Variants in FAM47E observed in about 807,000 individuals in gnomAD.
The protein encoded by FAM47E is protein FAM47E.
Under a neutral mutation model 41.6 loss-of-function variants are expected in FAM47E, and 32 were observed. The observed-to-expected ratio is 0.77, with a 90% CI of 0.58 to 1.03. FAM47E has a LOEUF of 1.03. Among genes scored for constraint, FAM47E ranks in the 50% least tolerant of loss-of-function variants. The pLI, the probability that FAM47E is intolerant of heterozygous loss-of-function variation, is 0.00. For synonymous variants in FAM47E, 184 were observed against 188.7 expected, an observed-to-expected ratio of 0.98 and a Z score of 0.20; for missense variants, 424 against 485.4, an observed-to-expected ratio of 0.87 and a Z score of 1.19.
exon 1 of FAM47E, chr4:76,214,123 A>G: frequency 4.8e-6 from 2 of 417,396 alleles, no homozygotes; most frequent in East Asian, 7.2e-5. Context: ...TTCCGCAGAT[A>G]GGTCTGAGGG....
chr4:76,218,073 A>C (rs1399529393), intron 2 of FAM47E, among the ~76,000 whole-genome samples: 1 of 152,244 alleles, frequency 6.6e-6, no homozygotes, highest in Non-Finnish European at 1.5e-5. Context: ...CATGCCTGTA[A>C]TCCCAGCATT....
intron 2 of FAM47E, among the ~76,000 whole-genome samples, chr4:76,236,044 G>T (rs576057541): frequency 3.3e-5 from 5 of 152,308 alleles, no homozygotes; most frequent in East Asian, 3.9e-4. Context: ...TGTGGCACCA[G>T]AGCAAAGTAT....
chr4:76,283,562 G>A lies in FAM47E; in HGVS notation c.*104G>A. 1.5e-6 allele frequency: 1 copy of A among 689,344 alleles called. No individual in the cohort carries two copies. Among genetic ancestry groups the A allele is most frequent in the Non-Finnish European group, 2.5e-6 (1 of 400,616 alleles). The allele number at this position is 689,344 out of a possible 1,614,324, so 42.7% of individuals were successfully genotyped here. ...CAGAGTTTATGATGAGTGTCCCACT[G>A]TGGATGTTCAACTTTGACTTGGCAA... is the stretch of plus-strand genomic sequence containing the variant. On this transcript the variant is annotated 3_prime_UTR_variant, in exon 8 of 8. Coordinates refer to ENST00000424749, the MANE Select transcript of FAM47E (RefSeq NM_001136570.3).
chr4:76,268,985 G>T (rs1403873128), intron 4 of FAM47E: 3 of 540,162 alleles, frequency 5.6e-6, no homozygotes, highest in East Asian at 6.7e-5. Context: ...TTCTGGAAAG[G>T]TTGCAAACTT....
chr4:76,259,335 AT>A (rs768149940), intron 2 of FAM47E, among the ~76,000 whole-genome samples: 4 of 152,244 alleles, frequency 2.6e-5, no homozygotes, highest in Non-Finnish European at 5.9e-5. Flanking sequence ...TTGGTTAAAG[AT>A]TTGACTGTCA....
At chr4:76,220,152 C>G (rs1560726747) in intron 2 of FAM47E, among the ~76,000 whole-genome samples, 1 of 152,122 alleles carries the variant, frequency 6.6e-6, no homozygotes, top group Non-Finnish European at 1.5e-5. Context: ...CAACTCTCTT[C>G]CTAGGTATAT....
chr4:76,259,372 C>T (rs541192045), intron 2 of FAM47E, among the ~76,000 whole-genome samples: 21 of 152,252 alleles, frequency 1.4e-4, no homozygotes, highest in African/African-American at 4.3e-4. Context: ...TTATATTTAC[C>T]ACTAAATCTA....
chr4:76,276,368 G>GTTTTTTTGTTTTT lies in FAM47E; in HGVS notation c.871-1698_871-1697insTTTTGTTTTTTTT, dbSNP rs1553957220. Among the ~76,000 whole-genome samples the GTTTTTTTGTTTTT allele has an allele frequency of 5.3e-3, 790 of 150,010 alleles. 6 individuals carry two copies. The highest frequency in any genetic ancestry group is 0.017 in the African/African-American group (684 of 40,750). On this transcript the variant is annotated intron_variant, in intron 5 of 7. Coordinates refer to ENST00000424749, the MANE Select transcript of FAM47E (RefSeq NM_001136570.3). ...GGGAGGGGGTTACTTTTTTTTGTTT[G>GTTTTTTTGTTTTT]TTTGTTTTTTTGTTTATTTGGGGAG...
At chr4:76,265,812 T>C (rs1734608056) in intron 3 of FAM47E, among the ~76,000 whole-genome samples, 1 of 152,198 alleles carries the variant, frequency 6.6e-6, no homozygotes, top group Non-Finnish European at 1.5e-5. Context: ...CTTGAACACA[T>C]ATATCTGATG....
At chr4:76,271,792 C>G in intron 5 of FAM47E, 24 bp downstream of exon 5, 1 of 1,539,326 alleles carries the variant, frequency 6.5e-7, no homozygotes, top group Non-Finnish European at 8.8e-7. Context: ...GGGACCAGAC[C>G]GAAAATCAAA....
chr4:76,222,562 G>A (rs950799685), intron 2 of FAM47E, among the ~76,000 whole-genome samples: 6 of 152,102 alleles, frequency 3.9e-5, no homozygotes, highest in East Asian at 1.9e-4. Context: ...TTAACTCTCC[G>A]CTGCCTCCAC....
At chr4:76,240,442 T>C (rs1368205081) in intron 2 of FAM47E, among the ~76,000 whole-genome samples, 2 of 152,194 alleles carry the variant, frequency 1.3e-5, no homozygotes, top group African/African-American at 4.8e-5. Flanking sequence ...TTCATTAAAT[T>C]TGGCAAGTTT....
intron 2 of FAM47E, among the ~76,000 whole-genome samples, chr4:76,245,077 A>T (rs1733796195): frequency 6.6e-6 from 1 of 152,156 alleles, no homozygotes. Flanking sequence ...ATGGACATGC[A>T]CATTGCCCCC....
At chr4:76,281,822 G>A (rs1314306939) in intron 7 of FAM47E, 3 of 152,146 alleles carry the variant, frequency 2.0e-5, no homozygotes, top group Admixed American at 1.3e-4. Flanking sequence ...GTTCCCAGGC[G>A]GATTGGCAGG....
chr4:76,278,501 G>T, intron 6 of FAM47E: 1 of 407,458 alleles, frequency 2.5e-6, no homozygotes, highest in Non-Finnish European at 4.3e-6. Flanking sequence ...TTTATTCCAA[G>T]GATAATTGTT....
rs1460183441 is a variant in FAM47E at position 76,277,289 on chromosome 4, C to T, written c.871-780C>T. Among the ~76,000 whole-genome samples, 7 of 152,174 alleles carry T rather than the reference C, an allele frequency of 4.6e-5. No homozygotes were observed. The East Asian group carries it at 1.4e-3, about 29-fold the overall frequency. ...CACGAGGTCAGGAGATCAAGACCATCCTGGCTAACATGGTGAAACCCCGTC... is the reference window on the plus strand; with the variant it reads ...CACGAGGTCAGGAGATCAAGACCATTCTGGCTAACATGGTGAAACCCCGTC... On this transcript the variant is annotated intron_variant, in intron 5 of 7. Transcript: ENST00000424749.
At chr4:76,247,442 A>G (rs1733851994), upstream of FAM47E, among the ~76,000 whole-genome samples, 1 of 152,142 alleles carries the variant, frequency 6.6e-6, no homozygotes, top group Non-Finnish European at 1.5e-5. Context: ...TAATTCTTTT[A>G]GGTATATACC....
rs1385637556 is a variant in FAM47E, at chr4:76,276,637, G to C, written c.871-1432G>C. ...CTTGGCCTTCCAAAGTGCTGTGCCC[G>C]GCCCAGGGTTACCATTTTTTAAATT... On this transcript the variant is annotated intron_variant, in intron 5 of 7. Transcript: ENST00000424749. Among the ~76,000 whole-genome samples, 5 of 152,094 alleles carry C rather than the reference G, an allele frequency of 3.3e-5. No homozygotes were observed. The East Asian group carries it at 7.7e-4, about 23-fold the overall frequency.
At chr4:76,263,066 C>G (rs1734486125) in intron 2 of FAM47E, among the ~76,000 whole-genome samples, 1 of 152,286 alleles carries the variant, frequency 6.6e-6, no homozygotes, top group African/African-American at 2.4e-5. Context: ...TGTGCCTGGC[C>G]CCATTGTGCT....
Sources: allele counts gnomAD v4.1 joint callset (sites outside exome capture counted in the v4.1 genomes callset), GRCh38; gene constraint gnomAD v4.1.1; transcripts MANE v1.5; gene names NCBI Gene and HGNC (gene_info 2026-07-23, HGNC 2026-07-21).